Variants in GMPR observed in about 807,000 individuals in gnomAD.
GMPR encodes the protein guanosine monophosphate reductase.
Under a neutral mutation model 38.4 loss-of-function variants are expected in GMPR, and 31 were observed. The ratio of observed to expected loss-of-function variants is 0.81; its 90% CI spans 0.61 to 1.09. The LOEUF is 1.09. Among genes scored for constraint, GMPR ranks in the 50% least tolerant of loss-of-function variants. GMPR has a pLI of 0.00. For synonymous variants in GMPR, 162 were observed against 173.3 expected, an observed-to-expected ratio of 0.93 and a Z score of 0.51; for missense variants, 468 against 453.7, an observed-to-expected ratio of 1.03 and a Z score of -0.29.
intron 1 of GMPR, among the ~76,000 whole-genome samples, chr6:16,242,004 G>T (rs1758657478): frequency 1.3e-5 from 2 of 152,164 alleles, no homozygotes; most frequent in South Asian, 4.1e-4. Context: ...CTCCCAAAGT[G>T]CCGGGATTAC....
In GMPR at chr6:16,238,759, C is replaced by T. The variant is rs1758586734; in HGVS notation, c.66C>T (p.Ser22=). 1 of 1,469,996 alleles carries T rather than the reference C, an allele frequency of 6.8e-7. No homozygotes were observed. The highest frequency in any genetic ancestry group is 1.3e-5 in the South Asian group (1 of 74,912). 91.1% of individuals were successfully genotyped at this position (1,469,996 alleles called of 1,614,324 possible). The change falls in exon 1 of 9, where the codon AGC becomes AGT. Residue 22 remains serine, a synonymous_variant. Transcript: ENST00000259727. The part of the protein sequence containing the change: ...FKDVLLRPKR[S]SLKSRAEVDL... ...ATGTCCTGCTCCGACCTAAGCGGAG[C>T]AGCCTCAAGAGCCGAGCCGAGGTGG...
At chr6:16,249,844 A>T (rs564479839) in intron 2 of GMPR, among the ~76,000 whole-genome samples, 2 of 152,362 alleles carry the variant, frequency 1.3e-5, no homozygotes, top group Admixed American at 6.5e-5. Context: ...GAAAGCTTTC[A>T]GGGATAAGGT....
chr6:16,246,674 G>A (rs2274152), intron 1 of GMPR, among the ~76,000 whole-genome samples, 168 bp from the exon 2 acceptor site: 8 of 152,098 alleles, frequency 5.3e-5, no homozygotes, highest in Admixed American at 2.6e-4. Flanking sequence ...TCTTGACGGC[G>A]GAATTTCCGC....
chr6:16,245,414 A>T (rs1758733807), intron 1 of GMPR, among the ~76,000 whole-genome samples: 1 of 152,220 alleles, frequency 6.6e-6, no homozygotes, highest in Non-Finnish European at 1.5e-5. Flanking sequence ...TGCTGATCGC[A>T]AAGTGAAAGT....
chr6:16,265,622 T>A, intron 4 of GMPR, among the ~76,000 whole-genome samples: 1 of 145,092 alleles, frequency 6.9e-6, no homozygotes, highest in Non-Finnish European at 1.6e-5. Flanking sequence ...CAAGCAGCGC[T>A]GTGTCTAGCT....
At chr6:16,281,740 C>A (rs1485243142) in intron 6 of GMPR, among the ~76,000 whole-genome samples, 1 of 151,894 alleles carries the variant, frequency 6.6e-6, no homozygotes, top group African/African-American at 2.4e-5. Context: ...GAACTCCTGA[C>A]CTCATGATCC....
intron 4 of GMPR, among the ~76,000 whole-genome samples, chr6:16,265,130 G>T (rs1759167359): frequency 6.6e-6 from 1 of 152,188 alleles, no homozygotes; most frequent in African/African-American, 2.4e-5. Flanking sequence ...TTAAAAAAAA[G>T]TTTGTAGAAA....
chr6:16,272,922 C>T (rs747477424), intron 4 of GMPR, among the ~76,000 whole-genome samples: 9 of 152,136 alleles, frequency 5.9e-5, no homozygotes, highest in Non-Finnish European at 1.3e-4. Flanking sequence ...CCTCAGCCTC[C>T]CAAGTGCTGT....
chr6:16,248,263 A>C (rs1410649090), intron 2 of GMPR, among the ~76,000 whole-genome samples: 1 of 145,652 alleles, frequency 6.9e-6, no homozygotes, highest in Non-Finnish European at 1.5e-5. Flanking sequence ...AAAAAAATTC[A>C]TTGTATAGAT....
rs150285452 is a variant in GMPR, at chr6:16,282,549, T to C, written c.655-3244T>C. The stretch of plus-strand genomic sequence containing the variant: ...GCTGTGTGACCTTAGGAGAGTTGCT[T>C]AACCTTTCTGAGCCTCTTTCCACCG... On this transcript the variant is annotated intron_variant, in intron 6 of 8. Coordinates refer to ENST00000259727, the MANE Select transcript of GMPR (RefSeq NM_006877.4). Among the ~76,000 whole-genome samples the C allele has an allele frequency of 3.7e-3, 561 of 152,324 alleles. 2 individuals carry two copies. The highest frequency in any genetic ancestry group is 0.013 in the African/African-American group (535 of 41,578).
chr6:16,241,073 A>G (rs1010465819), intron 1 of GMPR, among the ~76,000 whole-genome samples: 5 of 152,158 alleles, frequency 3.3e-5, no homozygotes, highest in Non-Finnish European at 7.3e-5. Context: ...ACAGGCAGAT[A>G]AAAACTTTTC....
At chr6:16,253,567 G>A (rs1197885329) in intron 3 of GMPR, among the ~76,000 whole-genome samples, 1 of 152,138 alleles carries the variant, frequency 6.6e-6, no homozygotes, top group African/African-American at 2.4e-5. Context: ...CCATTGATAA[G>A]GGATCCACCC....
In GMPR at chr6:16,242,333, T is replaced by C. The variant is rs760509076; in HGVS notation, c.87+3553T>C. Among the ~76,000 whole-genome samples the C allele has an allele frequency of 8.9e-3, 400 of 45,160 alleles. 1 individual carries two copies. The highest frequency in any genetic ancestry group is 0.022 in the Admixed American group (104 of 4,664). The allele number at this position is 45,160 out of a possible 152,430, so 29.6% of individuals were successfully genotyped here. On this transcript the variant is annotated intron_variant, in intron 1 of 8. Coordinates refer to ENST00000259727, the MANE Select transcript of GMPR (RefSeq NM_006877.4). ...TAGTCCAAGCTCTGTCACTAATTACTTTTTTTTTTTTTTTTTAACCTTTGC... is the reference window on the plus strand; with the variant it reads ...TAGTCCAAGCTCTGTCACTAATTACCTTTTTTTTTTTTTTTTAACCTTTGC...
intron 4 of GMPR, among the ~76,000 whole-genome samples, chr6:16,266,000 A>G (rs1162137294): frequency 2.0e-5 from 3 of 152,000 alleles, no homozygotes; most frequent in Non-Finnish European, 4.4e-5. Flanking sequence ...GAGCTGTAAC[A>G]CTCACCGTGA....
intron 4 of GMPR, among the ~76,000 whole-genome samples, chr6:16,260,492 G>A (rs1017311193): frequency 6.6e-6 from 1 of 152,000 alleles, no homozygotes; most frequent in Non-Finnish European, 1.5e-5. Flanking sequence ...GGGGCATGTC[G>A]AGTAAAGCTA....
intron 2 of GMPR, 105 bp downstream of exon 2, chr6:16,247,066 G>A (rs1447033927): frequency 1.9e-6 from 2 of 1,067,240 alleles, no homozygotes; most frequent in African/African-American, 3.2e-5. Context: ...GTAGAAATGT[G>A]AGCTGCTTTG....
intron 6 of GMPR, among the ~76,000 whole-genome samples, chr6:16,284,223 G>A (rs1759628440): frequency 6.6e-6 from 1 of 152,222 alleles, no homozygotes; most frequent in Admixed American, 6.5e-5. Flanking sequence ...GATCAGAGCT[G>A]CAAAGAAGTA....
At chr6:16,264,316 AAG>A (rs1242820968) in intron 4 of GMPR, 1 of 206,392 alleles carries the variant, frequency 4.8e-6, no homozygotes, top group Non-Finnish European at 9.5e-6. Flanking sequence ...GAGGTTGGAG[AAG>A]AGAGTAAAAA....
chr6:16,263,671 A>G (rs28800012), intron 4 of GMPR, among the ~76,000 whole-genome samples: 23 of 140,750 alleles, frequency 1.6e-4, no homozygotes, highest in Non-Finnish European at 2.4e-4. Flanking sequence ...ATAAGAGGTC[A>G]GGGCACAGAA....
Sources: allele counts gnomAD v4.1 joint callset (sites outside exome capture counted in the v4.1 genomes callset), GRCh38; gene constraint gnomAD v4.1.1; transcripts MANE v1.5; gene names NCBI Gene and HGNC (gene_info 2026-07-23, HGNC 2026-07-21).